RBFOX1: variants seen among roughly 807,000 people sequenced by gnomAD.
RBFOX1 encodes the protein RNA binding protein fox-1 homolog 1.
In RBFOX1, 8 loss-of-function variants were observed where a neutral mutation model predicts 57.7. The ratio of observed to expected loss-of-function variants is 0.14; its 90% CI spans 0.08 to 0.25. The LOEUF (loss-of-function observed/expected upper bound fraction) is 0.25, where lower values mean the gene tolerates loss of function less well. Ranked by LOEUF, RBFOX1 falls within the 10% of genes least tolerant of loss-of-function variation. The pLI is 1.00. For missense variants in RBFOX1, 611 were observed against 548.5 expected, an observed-to-expected ratio of 1.11 and a Z score of -1.14; for synonymous variants, 326 against 222.4, an observed-to-expected ratio of 1.47 and a Z score of -4.15.
intron 5 of RBFOX1, among the ~76,000 whole-genome samples, chr16:7,547,118 G>C (rs1185605292): frequency 6.6e-6 from 1 of 152,000 alleles, no homozygotes; most frequent in Middle Eastern, 3.2e-3. Flanking sequence ...GAGTGATAAT[G>C]GTTTCTAAAC....
At chr16:6,784,325 C>T (rs1187228882) in intron 3 of RBFOX1, among the ~76,000 whole-genome samples, 3 of 151,898 alleles carry the variant, frequency 2.0e-5, no homozygotes, top group Non-Finnish European at 4.4e-5. Context: ...TTTTTCTCTA[C>T]AGACTGTATT....
chr16:5,600,457 G>C (rs1192334515), downstream of RBFOX1, among the ~76,000 whole-genome samples: 1 of 140,398 alleles, frequency 7.1e-6, no homozygotes, highest in Admixed American at 7.5e-5. Flanking sequence ...CTGCACTCCA[G>C]CCTGGGCAAA....
intron 4 of RBFOX1, among the ~76,000 whole-genome samples, chr16:7,068,523 A>G (rs2056641423): frequency 6.6e-6 from 1 of 152,156 alleles, no homozygotes; most frequent in African/African-American, 2.4e-5. Context: ...TCCAGCTGTT[A>G]CAAAAGAAGC....
At chr16:7,187,414 G>A (rs2084128172) in intron 4 of RBFOX1, among the ~76,000 whole-genome samples, 3 of 151,968 alleles carry the variant, frequency 2.0e-5, no homozygotes, top group Admixed American at 2.0e-4. Flanking sequence ...CCTTGGCCAG[G>A]CACGGTGGCT....
intron 1 of RBFOX1, among the ~76,000 whole-genome samples, chr16:6,239,644 C>T (rs2097529697): frequency 1.3e-5 from 2 of 151,726 alleles, no homozygotes; most frequent in Admixed American, 1.3e-4. Flanking sequence ...ACTACAGGCA[C>T]CCACCACCAT....
chr16:5,577,566 G>A (rs1270119915), intron 2 of RBFOX1, among the ~76,000 whole-genome samples: 1 of 152,192 alleles, frequency 6.6e-6, no homozygotes, highest in Non-Finnish European at 1.5e-5. Context: ...CTGCCAGAAT[G>A]TGCCCCACAA....
intron 1 of RBFOX1, among the ~76,000 whole-genome samples, chr16:6,257,827 A>G (rs1440850275): frequency 2.0e-5 from 3 of 152,078 alleles, no homozygotes; most frequent in African/African-American, 7.2e-5. Context: ...TCTATCATTA[A>G]TGGGCATTTA....
At chr16:5,922,260 C>G (rs527982765) in intron 4 of RBFOX1, among the ~76,000 whole-genome samples, 62 of 152,286 alleles carry the variant, frequency 4.1e-4, no homozygotes, top group Non-Finnish European at 7.3e-4. Context: ...CATGAGGGAT[C>G]CATCCCCATG....
intron 3 of RBFOX1, among the ~76,000 whole-genome samples, chr16:6,871,906 AGAGTCTGT>A (rs1251699122): frequency 2.4e-5 from 3 of 126,594 alleles, no homozygotes; most frequent in African/African-American, 8.8e-5. Context: ...AGAGAGGGAG[AGAGTCTGT>A]GTGTGTGTGT....
chr16:5,322,055 T>C (rs909958611), intron 1 of RBFOX1, among the ~76,000 whole-genome samples: 4 of 152,110 alleles, frequency 2.6e-5, no homozygotes, highest in African/African-American at 7.2e-5. Context: ...TAGGGGGCTT[T>C]AGCATGTTTC....
chr16:7,679,198 T>C (rs1292845932), intron 14 of RBFOX1, among the ~76,000 whole-genome samples: 1 of 152,212 alleles, frequency 6.6e-6, no homozygotes, highest in African/African-American at 2.4e-5. Context: ...AATAAGCAGA[T>C]ATTGAGAAAG....
At chr16:6,495,140 A>T (rs1377179061) in intron 2 of RBFOX1, among the ~76,000 whole-genome samples, 1 of 152,064 alleles carries the variant, frequency 6.6e-6, no homozygotes, top group Non-Finnish European at 1.5e-5. Context: ...TTATTTTGAG[A>T]TGAACTTTCA....
upstream of RBFOX1, among the ~76,000 whole-genome samples, chr16:6,017,211 C>A (rs1567263059): frequency 2.0e-5 from 3 of 152,132 alleles, no homozygotes. Context: ...TCATTTGTTC[C>A]TTTCTGGAAT....
chr16:6,333,868 G>A (rs989135002), intron 2 of RBFOX1, among the ~76,000 whole-genome samples: 2 of 152,090 alleles, frequency 1.3e-5, no homozygotes, highest in African/African-American at 4.8e-5. Flanking sequence ...ATTTTCTACT[G>A]TCTCATTAGT....
intron 3 of RBFOX1, among the ~76,000 whole-genome samples, chr16:5,629,217 G>A (rs2880427): frequency 6.6e-6 from 1 of 152,142 alleles, no homozygotes; most frequent in South Asian, 2.1e-4. Context: ...AAGCAGAAGT[G>A]ATTCTAGAAT....
intron 4 of RBFOX1, among the ~76,000 whole-genome samples, chr16:7,182,792 A>T (rs2082982146): frequency 6.6e-6 from 1 of 152,164 alleles, no homozygotes; most frequent in South Asian, 2.1e-4. Context: ...ACTTTGTACT[A>T]AATCCCTTAG....
intron 5 of RBFOX1, among the ~76,000 whole-genome samples, chr16:7,565,748 A>G (rs576116273): frequency 1.1e-4 from 17 of 152,346 alleles, no homozygotes; most frequent in Admixed American, 8.5e-4. Flanking sequence ...TGGAGGATGG[A>G]GCAGCAGCTG....
At chr16:7,449,590 A>T (rs143086368) in intron 4 of RBFOX1, among the ~76,000 whole-genome samples, 10 of 152,118 alleles carry the variant, frequency 6.6e-5, no homozygotes, top group African/African-American at 2.4e-4. Flanking sequence ...ACCTCGTTAG[A>T]CTTGAAATCT....
intron 3 of RBFOX1, among the ~76,000 whole-genome samples, chr16:6,805,867 C>T (rs895665360): frequency 1.3e-5 from 2 of 152,182 alleles, no homozygotes; most frequent in Non-Finnish European, 2.9e-5. Context: ...ACACTTGGCT[C>T]TTTCCAACAC....
Sources: gnomAD v4.1 joint callset for allele counts (sites outside exome capture counted in the v4.1 genomes callset) on GRCh38, gnomAD v4.1.1 for gene constraint, MANE v1.5 for transcripts, NCBI Gene and HGNC (gene_info 2026-07-23, HGNC 2026-07-21) for gene names.